Variants in CHN2 observed in about 807,000 individuals in gnomAD.
The protein encoded by CHN2 is beta-chimaerin.
In CHN2, 35 loss-of-function variants were observed where a neutral mutation model predicts 56.3. That is an observed-to-expected ratio of 0.62 (90% confidence interval 0.47 to 0.82). The LOEUF (loss-of-function observed/expected upper bound fraction) is 0.82. Ranked by LOEUF, CHN2 falls within the 40% of genes least tolerant of loss-of-function variation. The probability of loss-of-function intolerance (pLI) is 0.00; values close to 1 mark genes in which losing one functional copy is unlikely to be tolerated. For missense variants in CHN2, 491 were observed against 580.5 expected, an observed-to-expected ratio of 0.85 and a Z score of 1.58; for synonymous variants, 210 against 212.8, an observed-to-expected ratio of 0.99 and a Z score of 0.12.
intron 1 of CHN2, among the ~76,000 whole-genome samples, chr7:29,219,474 G>A (rs553920528): frequency 4.3e-4 from 66 of 152,230 alleles, no homozygotes; most frequent in Middle Eastern, 3.4e-3. Flanking sequence ...AATTAAGATG[G>A]TAGGCTTATA....
At chr7:29,201,399 G>C (rs1784150953) in intron 1 of CHN2, among the ~76,000 whole-genome samples, 1 of 151,920 alleles carries the variant, frequency 6.6e-6, no homozygotes, top group Admixed American at 6.6e-5. Context: ...ATCATCCTTA[G>C]AGAATTTCTT....
chr7:29,337,490 G>C (rs187821993), intron 1 of CHN2, among the ~76,000 whole-genome samples: 1 of 152,292 alleles, frequency 6.6e-6, no homozygotes, highest in Non-Finnish European at 1.5e-5. Context: ...CGGAGAGGGG[G>C]TCTATTCTTC....
intron 1 of CHN2, among the ~76,000 whole-genome samples, chr7:29,338,812 T>TC (rs1796819963): frequency 6.6e-6 from 1 of 152,118 alleles, no homozygotes; most frequent in Non-Finnish European, 1.5e-5. Flanking sequence ...ACTTTTGACC[T>TC]CCAGTGATCT....
At chr7:29,292,319 A>C (rs1166211339) in intron 1 of CHN2, among the ~76,000 whole-genome samples, 2 of 152,252 alleles carry the variant, frequency 1.3e-5, no homozygotes, top group Non-Finnish European at 2.9e-5. Flanking sequence ...ACAACCTTTC[A>C]ATCCATTTAC....
chr7:29,503,667 T>C (rs910123465), intron 9 of CHN2, among the ~76,000 whole-genome samples: 5 of 152,242 alleles, frequency 3.3e-5, no homozygotes, highest in Non-Finnish European at 7.3e-5. Flanking sequence ...CACGTATTTG[T>C]TGTCTCTGAT....
chr7:29,147,102 C>A, intron 2 of CHN2: 1 of 1,132,272 alleles, frequency 8.8e-7, no homozygotes, highest in Non-Finnish European at 1.2e-6. Context: ...TTAAGTAACC[C>A]ATCCAGGGTC....
chr7:29,376,052 G>A (rs1412777840), intron 3 of CHN2, among the ~76,000 whole-genome samples: 1 of 152,208 alleles, frequency 6.6e-6, no homozygotes, highest in Non-Finnish European at 1.5e-5. Context: ...CTGGCGTGTG[G>A]CCTGTCCAAC....
rs371257351 is a variant in CHN2 at position 29,412,583 on chromosome 7, C to T, written c.576+11755C>T. Among the ~76,000 whole-genome samples the T allele has an allele frequency of 4.5e-3, 686 of 152,296 alleles. 4 individuals carry two copies. The highest frequency in any genetic ancestry group is 0.015 in the African/African-American group (637 of 41,578). On this transcript the variant is annotated intron_variant, in intron 6 of 12. Transcript: ENST00000222792. Reference sequence around the variant, plus strand: ...TGACCTCGTGATCCGCCCACCTTGGCTTCCCAAAGTGCTGGGATTACAGGC... The same window carrying T: ...TGACCTCGTGATCCGCCCACCTTGGTTTCCCAAAGTGCTGGGATTACAGGC...
chr7:29,211,574 T>G (rs987628740), intron 1 of CHN2, among the ~76,000 whole-genome samples: 7 of 151,984 alleles, frequency 4.6e-5, no homozygotes, highest in African/African-American at 1.7e-4. Context: ...GTATTTCTCT[T>G]CATTTATCTA....
chr7:29,345,619 G>A (rs906883337), intron 1 of CHN2, among the ~76,000 whole-genome samples: 3 of 152,140 alleles, frequency 2.0e-5, no homozygotes, highest in Non-Finnish European at 2.9e-5. Flanking sequence ...ATGACCAGGG[G>A]ATGCTGACCG....
intron 1 of CHN2, among the ~76,000 whole-genome samples, chr7:29,219,728 G>A (rs895421494): frequency 1.3e-5 from 2 of 152,182 alleles, no homozygotes; most frequent in African/African-American, 4.8e-5. Flanking sequence ...ATCAGGCAAA[G>A]TAGACTTTAA....
At chr7:29,150,131 C>T (rs1030545492) in intron 2 of CHN2, among the ~76,000 whole-genome samples, 1 of 152,150 alleles carries the variant, frequency 6.6e-6, no homozygotes, top group African/African-American at 2.4e-5. Flanking sequence ...GTTCTCTGCA[C>T]CTGCATATTC....
At chr7:29,489,669 C>G (rs1403512216) in intron 7 of CHN2, among the ~76,000 whole-genome samples, 1 of 152,136 alleles carries the variant, frequency 6.6e-6, no homozygotes, top group African/African-American at 2.4e-5. Flanking sequence ...TACATCCTTG[C>G]TCTATTCTCA....
intron 1 of CHN2, among the ~76,000 whole-genome samples, chr7:29,353,794 C>T (rs912640396): frequency 5.9e-5 from 9 of 152,082 alleles, no homozygotes; most frequent in African/African-American, 2.2e-4. Context: ...CTCACATCAA[C>T]GTTCTGTAGT....
intron 7 of CHN2, among the ~76,000 whole-genome samples, chr7:29,494,609 T>G (rs1382183708): frequency 3.3e-5 from 5 of 152,188 alleles, no homozygotes; most frequent in Non-Finnish European, 7.3e-5. Context: ...GAGAAATTTT[T>G]GGCATCATTT....
At chr7:29,367,117 G>A (rs575587788) in intron 2 of CHN2, among the ~76,000 whole-genome samples, 2 of 151,830 alleles carry the variant, frequency 1.3e-5, no homozygotes, top group East Asian at 1.9e-4. Context: ...GAATCCAAAG[G>A]TACCTGCTTA....
Position 29,409,432 on chromosome 7 carries a change from C to T in CHN2, c.576+8604C>T, listed in dbSNP as rs956973698. 2.0e-5 allele frequency among the ~76,000 whole-genome samples: 3 copies of T among 151,798 alleles called. No homozygotes were observed. In the South Asian group the frequency reaches 6.2e-4, roughly 31 times the overall value. On this transcript the variant is annotated intron_variant, in intron 6 of 12. Transcript: ENST00000222792. ...TTTTGTGAAAAATAACACTGTTTTC[C>T]AAATAAAAAAGTGATGAGAATATTG...
At chr7:29,287,291 A>G (rs1792228610) in intron 1 of CHN2, among the ~76,000 whole-genome samples, 1 of 152,174 alleles carries the variant, frequency 6.6e-6, no homozygotes, top group African/African-American at 2.4e-5. Flanking sequence ...GGGGATCTGA[A>G]AGAGGATGGC....
intron 1 of CHN2, among the ~76,000 whole-genome samples, chr7:29,293,933 C>T (rs1008138718): frequency 1.5e-5 from 2 of 130,228 alleles, no homozygotes; most frequent in Non-Finnish European, 3.1e-5. Context: ...GCGGCGCGAT[C>T]TCGGCTCACT....
Sources: gnomAD v4.1 joint callset for allele counts (sites outside exome capture counted in the v4.1 genomes callset) on GRCh38, gnomAD v4.1.1 for gene constraint, MANE v1.5 for transcripts, NCBI Gene and HGNC (gene_info 2026-07-23, HGNC 2026-07-21) for gene names.